Variants in ZNF532 observed in about 807,000 individuals in gnomAD.
ZNF532 encodes zinc finger protein 532.
In ZNF532, 22 loss-of-function variants were observed where a neutral mutation model predicts 89.3. The observed-to-expected ratio is 0.25, with a 90% CI of 0.18 to 0.35. ZNF532 has a LOEUF of 0.35. Among genes scored for constraint, ZNF532 ranks in the 10% least tolerant of loss-of-function variants. ZNF532 has a pLI of 1.00. For missense variants in ZNF532, 1,132 were observed against 1,643.4 expected (o/e 0.69, Z 5.38); for synonymous variants, 606 against 649.6 (o/e 0.93, Z 1.02).
At position 58,984,518 on chromosome 18, in the gene ZNF532, A is replaced by C; in HGVS notation, c.*52A>C. ...CTGTCCACATTGGAATAAAAAAGAC[A>C]TTTTTGTTACAAAGTTTGCAGTATA... On this transcript the variant is annotated 3_prime_UTR_variant, in exon 10 of 10. Coordinates refer to ENST00000591808, the MANE Select transcript of ZNF532 (RefSeq NM_001375912.1). The C allele has an allele frequency of 6.4e-7, 1 of 1,557,744 alleles. No homozygotes were observed. The highest frequency in any genetic ancestry group is 1.2e-5 in the South Asian group (1 of 80,318).
At chr18:58,878,985 G>A (rs768923126) in intron 2 of ZNF532, among the ~76,000 whole-genome samples, 1 of 152,178 alleles carries the variant, frequency 6.6e-6, no homozygotes, top group Non-Finnish European at 1.5e-5. Context: ...TTAAATACTA[G>A]TGGACATCAC....
chr18:58,885,425 A>G (rs1322783920), intron 2 of ZNF532, among the ~76,000 whole-genome samples: 1 of 152,164 alleles, frequency 6.6e-6, no homozygotes. Flanking sequence ...TCATTTACAG[A>G]TATACATTAT....
intron 2 of ZNF532, among the ~76,000 whole-genome samples, chr18:58,885,840 A>G (rs1401149377): frequency 1.4e-5 from 2 of 139,192 alleles, no homozygotes; most frequent in African/African-American, 2.5e-5. Flanking sequence ...GGTCGAGACA[A>G]TGTCTCAAAA....
chr18:58,899,152 C>T (rs576039440), intron 2 of ZNF532, among the ~76,000 whole-genome samples: 4 of 152,240 alleles, frequency 2.6e-5, no homozygotes, highest in Admixed American at 6.5e-5. Context: ...TCTGCTGCTT[C>T]GCTTTTTGGA....
At chr18:58,880,822 C>G (rs2057863995) in intron 2 of ZNF532, among the ~76,000 whole-genome samples, 1 of 141,916 alleles carries the variant, frequency 7.0e-6, no homozygotes, top group Non-Finnish European at 1.6e-5. Context: ...ATATATCTGG[C>G]AAAATGCAAG....
At chr18:58,961,452 G>A (rs17694975) in intron 7 of ZNF532, among the ~76,000 whole-genome samples, 3,241 of 152,206 alleles carry the variant, frequency 0.021, 43 homozygotes, top group Non-Finnish European at 0.034. Flanking sequence ...CTCAACGTAG[G>A]TGTTACTGAA....
At chr18:58,981,426 A>G (rs1238609053) in intron 8 of ZNF532, 44 bp from the exon 9 acceptor site, 1 of 1,594,112 alleles carries the variant, frequency 6.3e-7, no homozygotes, top group Admixed American at 1.8e-5. Flanking sequence ...ACAGGAGCTT[A>G]TTTTGTCAGC....
At chr18:58,883,808 T>TAA (rs1283024323) in intron 2 of ZNF532, among the ~76,000 whole-genome samples, 1 of 152,128 alleles carries the variant, frequency 6.6e-6, no homozygotes, top group African/African-American at 2.4e-5. Flanking sequence ...CCAAAATGTC[T>TAA]CTGGACATTG....
chr18:58,911,478 C>T (rs2060279777), intron 2 of ZNF532, among the ~76,000 whole-genome samples: 2 of 152,186 alleles, frequency 1.3e-5, no homozygotes, highest in South Asian at 4.1e-4. Flanking sequence ...CCTTTAATCC[C>T]AGCACTTGGG....
At chr18:58,975,485 G>A (rs1237075211) in intron 7 of ZNF532, among the ~76,000 whole-genome samples, 2 of 152,254 alleles carry the variant, frequency 1.3e-5, no homozygotes, top group African/African-American at 4.8e-5. Context: ...GTTTCTGATT[G>A]TGAGGGAAGC....
chr18:58,918,851 A>T lies in ZNF532; in HGVS notation c.564A>T (p.Gly188=), dbSNP rs1193678002. ...GAGGGGAAAACTCCAGCAAAACTGG[A>T]CTCTCTACGTCAGGCAATGTGGAGA... ...ALGGENSSKT[G]LSTSGNVEKN... The change falls in exon 3 of 10, where the codon GGA becomes GGT. Residue 188 remains glycine, a synonymous_variant. Coordinates refer to ENST00000591808, the MANE Select transcript of ZNF532 (RefSeq NM_001375912.1). 2 of 1,614,006 alleles carry T rather than the reference A, an allele frequency of 1.2e-6. No individual in the cohort carries two copies. Among genetic ancestry groups the T allele is most frequent in the African/African-American group, 2.7e-5 (2 of 74,922 alleles).
rs773914811 is a variant in ZNF532 at position 58,918,455 on chromosome 18, T to C, written c.168T>C (p.Ser56=). 8.7e-6 allele frequency: 14 copies of C among 1,614,208 alleles called. No homozygotes were observed. Among genetic ancestry groups the C allele is most frequent in the Non-Finnish European group, 1.2e-5 (14 of 1,180,038 alleles). The stretch of plus-strand genomic sequence containing the variant: ...AGGATGACTCCCACGCACCATCATC[T>C]TCTGATGTGGGTGTCAGCGTTATCG... The part of the protein sequence containing the change: ...HGEDDSHAPS[S]SDVGVSVIVK... Residue 56 remains serine (S), a synonymous_variant, in exon 3 of 10, where the codon TCT becomes TCC. Transcript: ENST00000591808.
At chr18:58,911,341 A>G (rs1047448659) in intron 2 of ZNF532, among the ~76,000 whole-genome samples, 7 of 152,124 alleles carry the variant, frequency 4.6e-5, no homozygotes, top group Non-Finnish European at 2.9e-5. Context: ...GCTGTGGGAG[A>G]CCTCTTGACT....
intron 5 of ZNF532, 76 bp from the exon 6 acceptor site, chr18:58,947,991 C>A (rs1161980402): frequency 2.1e-6 from 3 of 1,421,722 alleles, no homozygotes; most frequent in Admixed American, 2.3e-5. Flanking sequence ...CTCCCAAGTT[C>A]TTCAGCTATA....
chr18:58,938,923 T>C (rs561251083), intron 4 of ZNF532, among the ~76,000 whole-genome samples: 177 of 152,320 alleles, frequency 1.2e-3, no homozygotes, highest in Non-Finnish European at 1.9e-3. Flanking sequence ...TTGAGTTTTA[T>C]TTTTCTTCTT....
chr18:58,870,822 A>G (rs2056918111), intron 2 of ZNF532, among the ~76,000 whole-genome samples: 1 of 151,906 alleles, frequency 6.6e-6, no homozygotes, highest in African/African-American at 2.4e-5. Flanking sequence ...TTGCTTGGAG[A>G]CTGGGTGTTC....
At position 58,918,736 on chromosome 18, in the gene ZNF532, C is replaced by T; in HGVS notation, c.449C>T (p.Pro150Leu). The change falls in exon 3 of 10, where the codon CCT becomes CTT. Residue 150 changes from proline to leucine, a missense_variant. This residue lies in a region of ZNF532 where 302 missense variants were observed against 319.8 expected (regional missense o/e 0.94). Transcript: ENST00000591808. ...GAGAAGATTGAGGTGGATGACCCCC[C>T]TGACAAGGAGGACATGCGATCAAGC... Reference protein sequence around the residue: ...DDEKIEVDDPPDKEDMRSSFR... With the variant: ...DDEKIEVDDPLDKEDMRSSFR... 6.2e-7 allele frequency: 1 copy of T among 1,614,188 alleles called. No individual in the cohort carries two copies. The highest frequency in any genetic ancestry group is 8.5e-7 in the Non-Finnish European group (1 of 1,180,042).
At chr18:58,952,427 CAG>C (rs1491100140) in intron 6 of ZNF532, among the ~76,000 whole-genome samples, 1 of 152,070 alleles carries the variant, frequency 6.6e-6, no homozygotes. Flanking sequence ...TTTTTTGAGA[CAG>C]GGTCTTGCTC....
chr18:58,909,498 A>G (rs575748768), intron 2 of ZNF532, among the ~76,000 whole-genome samples: 12 of 152,280 alleles, frequency 7.9e-5, no homozygotes, highest in African/African-American at 2.9e-4. Context: ...TTGCCTTTCA[A>G]CAAAGGTAGA....
Sources: allele counts gnomAD v4.1 joint callset (sites outside exome capture counted in the v4.1 genomes callset), GRCh38; gene constraint gnomAD v4.1.1; regional missense constraint gnomAD v4.1.1; transcripts MANE v1.5; gene names NCBI Gene and HGNC (gene_info 2026-07-23, HGNC 2026-07-21).